GLRX3: variants seen among roughly 807,000 people sequenced by gnomAD.
GLRX3 encodes glutaredoxin 3.
GLRX3 carries 22 observed loss-of-function variants against 49.5 expected under a neutral mutation model. The observed-to-expected ratio is 0.44, with a 90% CI of 0.32 to 0.63. The LOEUF is 0.63. GLRX3 is among the 30% of genes least tolerant of loss of function. GLRX3 has a pLI of 0.05. For missense variants in GLRX3, 385 were observed against 396.3 expected (o/e 0.97, Z 0.24); for synonymous variants, 133 against 140.0 (o/e 0.95, Z 0.35).
At chr10:130,147,965 G>T (rs1185865393) in intron 2 of GLRX3, among the ~76,000 whole-genome samples, 1 of 152,142 alleles carries the variant, frequency 6.6e-6, no homozygotes, top group African/African-American at 2.4e-5. Flanking sequence ...GATTCCTTGA[G>T]CCCAGGAGGT....
intron 2 of GLRX3, among the ~76,000 whole-genome samples, chr10:130,149,756 C>CTTTGTATGAAATTTT (rs1363386669): frequency 3.4e-5 from 5 of 148,482 alleles, no homozygotes; most frequent in South Asian, 4.3e-4. Flanking sequence ...TGTATGAAAT[C>CTTTGTATGAAATTTT]GTAGCTATTT....
At chr10:130,158,743 T>C (rs570953203) in intron 2 of GLRX3, among the ~76,000 whole-genome samples, 30 of 137,486 alleles carry the variant, frequency 2.2e-4, no homozygotes, top group African/African-American at 9.2e-4. Flanking sequence ...TGAGAGTCTG[T>C]TCTAAATAGC....
At chr10:130,145,124 T>G (rs933312279) in intron 1 of GLRX3, 87 bp from the exon 2 acceptor site, 11 of 555,646 alleles carry the variant, frequency 2.0e-5, no homozygotes, top group Non-Finnish European at 3.1e-5. Context: ...AAAGCTTTCT[T>G]TTTTTTCTTT....
intron 4 of GLRX3, among the ~76,000 whole-genome samples, chr10:130,164,984 T>A (rs1309547396): frequency 2.6e-5 from 4 of 152,258 alleles, no homozygotes; most frequent in Non-Finnish European, 5.9e-5. Flanking sequence ...ACTTATATGC[T>A]ATACAAATAA....
At chr10:130,175,506 CT>C (rs1862899515) in intron 10 of GLRX3, among the ~76,000 whole-genome samples, 1 of 152,246 alleles carries the variant, frequency 6.6e-6, no homozygotes, top group Admixed American at 6.5e-5. Flanking sequence ...ATCACTGCCC[CT>C]GGTCCCCCGA....
At chr10:130,169,079 T>C (rs1408843104) in intron 6 of GLRX3, among the ~76,000 whole-genome samples, 3 of 152,164 alleles carry the variant, frequency 2.0e-5, no homozygotes, top group Non-Finnish European at 4.4e-5. Flanking sequence ...TGGAAGATGG[T>C]GCACACAAGA....
intron 4 of GLRX3, among the ~76,000 whole-genome samples, chr10:130,166,241 C>G (rs1186779988): frequency 2.6e-5 from 4 of 151,642 alleles, no homozygotes. Context: ...AATACACACA[C>G]CACTTTTTTT....
At chr10:130,176,440 G>A (rs537625203) in intron 10 of GLRX3, among the ~76,000 whole-genome samples, 1 of 152,136 alleles carries the variant, frequency 6.6e-6, no homozygotes, top group African/African-American at 2.4e-5. Context: ...TTTTTAACAC[G>A]TGCTTTTGTA....
intron 4 of GLRX3, among the ~76,000 whole-genome samples, chr10:130,162,304 C>T (rs552795895): frequency 6.6e-6 from 1 of 152,308 alleles, no homozygotes; most frequent in Admixed American, 6.5e-5. Flanking sequence ...TCTCTTAGTT[C>T]TGCCTAAAAA....
intron 4 of GLRX3, among the ~76,000 whole-genome samples, chr10:130,162,766 A>G (rs571349275): frequency 3.3e-5 from 5 of 152,280 alleles, no homozygotes; most frequent in African/African-American, 1.2e-4. Flanking sequence ...TGTCCTGGGA[A>G]GTGTGCTGCA....
chr10:130,152,122 G>T (rs1165348613), intron 2 of GLRX3, among the ~76,000 whole-genome samples: 1 of 151,834 alleles, frequency 6.6e-6, no homozygotes, highest in Non-Finnish European at 1.5e-5. Flanking sequence ...AGGTTCAAGC[G>T]ATTCTCCTGC....
chr10:130,149,623 A>T (rs1009375326), intron 2 of GLRX3, among the ~76,000 whole-genome samples: 1 of 152,024 alleles, frequency 6.6e-6, no homozygotes, highest in Non-Finnish European at 1.5e-5. Context: ...CATTTAATTA[A>T]TTGTTTGATA....
At chr10:130,158,108 G>A (rs1590065592) in intron 2 of GLRX3, among the ~76,000 whole-genome samples, 3 of 152,276 alleles carry the variant, frequency 2.0e-5, no homozygotes, top group Middle Eastern at 6.8e-3. Context: ...AGGCAGTTGT[G>A]GTAGTTCTCA....
intron 2 of GLRX3, among the ~76,000 whole-genome samples, chr10:130,158,827 TAAGTAC>T (rs1232215640): frequency 6.6e-6 from 1 of 152,204 alleles, no homozygotes; most frequent in Admixed American, 6.5e-5. Context: ...AATTTTCATA[TAAGTAC>T]ATTTTAAAAA....
At chr10:130,157,490 GCCGCCCCCCCCCCCCCC>G (rs1862495506) in intron 2 of GLRX3, among the ~76,000 whole-genome samples, 1 of 11,928 alleles carries the variant, frequency 8.4e-5, no homozygotes, top group African/African-American at 2.9e-4. Context: ...GATGGTGGCC[GCCGCCCCCCCCCCCCCC>G]CCCCCCCCCC....
At chr10:130,170,997 G>A (rs1323746952) in intron 7 of GLRX3, among the ~76,000 whole-genome samples, 4 of 151,988 alleles carry the variant, frequency 2.6e-5, no homozygotes, top group African/African-American at 7.3e-5. Flanking sequence ...GCGTGGTGGC[G>A]CATGCCTATA....
intron 2 of GLRX3, among the ~76,000 whole-genome samples, chr10:130,156,531 AAGGATTAAGTGAGTCTATACGTGTG>A (rs71902407): frequency 0.049 from 7,453 of 151,902 alleles, 411 homozygotes; most frequent in African/African-American, 0.12. Context: ...CTGTTGTTGT[AAGGATTAAGTGAGTCTATACGTGTG>A]AGGATTAAGT....
chr10:130,170,765 G>A (rs1862790963), intron 7 of GLRX3, among the ~76,000 whole-genome samples: 1 of 152,084 alleles, frequency 6.6e-6, no homozygotes, highest in Non-Finnish European at 1.5e-5. Context: ...AAGATTGCTG[G>A]AATTTGGAGT....
chr10:130,144,287 T>C (rs1255012871), intron 1 of GLRX3, among the ~76,000 whole-genome samples: 3 of 96,690 alleles, frequency 3.1e-5, no homozygotes, highest in African/African-American at 1.1e-4. Context: ...TTTGCCTGGC[T>C]TTTTTTTTTT....
Sources: gnomAD v4.1 joint callset for allele counts (sites outside exome capture counted in the v4.1 genomes callset) on GRCh38, gnomAD v4.1.1 for gene constraint, MANE v1.5 for transcripts, NCBI Gene and HGNC (gene_info 2026-07-23, HGNC 2026-07-21) for gene names.